H1-2: variants seen among roughly 807,000 people sequenced by gnomAD.
H1-2 encodes H1.2 linker histone, cluster member, also known as histone H1.2.
A neutral mutation model predicts 7.2 loss-of-function variants in H1-2; 7 were observed. The observed-to-expected ratio is 0.97, with a 90% confidence interval of 0.55 to 1.82. The LOEUF is 1.82. H1-2 is among the 40% of genes most tolerant of loss of function. H1-2 has a pLI of 0.00. For synonymous variants in H1-2, 300 were observed against 118.2 expected (o/e 2.54, Z -9.98); for missense variants, 703 against 276.6 (o/e 2.54, Z -10.94).
Position 26,055,964 on chromosome 6 carries a change from C to T in H1-2, c.465G>A (p.Pro155=), listed in dbSNP as rs746576288. The change falls in exon 1 of 1, where the codon CCG becomes CCA. Residue 155 remains proline (P), a synonymous_variant. Transcript: ENST00000343677. ...CCGCGGCCGGCTTCTTCGCTTTCTTCGGTGTTTTCTTAGCGCTCTTCTTCG... is the reference window on the plus strand; with the variant it reads ...CCGCGGCCGGCTTCTTCGCTTTCTTTGGTGTTTTCTTAGCGCTCTTCTTCG... ...ATPKKSAKKT[P]KKAKKPAAAT... The T allele has an allele frequency of 1.2e-6, 2 of 1,613,888 alleles. No individual in the cohort carries two copies. Among genetic ancestry groups the T allele is most frequent in the African/African-American group, 1.3e-5 (1 of 74,872 alleles).
chr6:26,055,985 C>A lies in H1-2; in HGVS notation c.444G>T (p.Lys148Asn), dbSNP rs568647778. 6.2e-7 allele frequency: 1 copy of A among 1,613,936 alleles called. No homozygotes were observed. The highest frequency in any genetic ancestry group is 1.3e-5 in the African/African-American group (1 of 74,902). ...PKKAAGGATP[K>N]KSAKKTPKKA... ...TCTTCGGTGTTTTCTTAGCGCTCTT[C>A]TTCGGAGTTGCGCCGCCAGCCGCCT... Residue 148 changes from lysine to asparagine, a missense_variant, in exon 1 of 1, where the codon AAG becomes AAT. Transcript: ENST00000343677.
In H1-2 at chr6:26,056,222, G is replaced by A. The variant is rs753961770; in HGVS notation, c.207C>T (p.Ala69=). 3.1e-6 allele frequency: 5 copies of A among 1,614,218 alleles called. No homozygotes were observed. In the Admixed American group the frequency reaches 6.7e-5, roughly 22 times the overall value. ...LAALKKALAA[A]GYDVEKNNSR... is the part of the protein sequence containing the mutation. ...TGTTGTTTTTCTCCACATCATAGCCGGCGGCAGCCAACGCTTTTTTCAGAG... is the reference window on the plus strand; with the variant it reads ...TGTTGTTTTTCTCCACATCATAGCCAGCGGCAGCCAACGCTTTTTTCAGAG... Residue 69 remains alanine (A), a synonymous_variant, in exon 1 of 1, where the codon GCC becomes GCT. Coordinates refer to ENST00000343677, the MANE Select transcript of H1-2 (RefSeq NM_005319.4).
chr6:26,055,752 A>G lies in H1-2; in HGVS notation c.*35T>C, dbSNP rs766514983. 3.4e-5 allele frequency: 53 copies of G among 1,553,486 alleles called. No individual in the cohort carries two copies. Among genetic ancestry groups the G allele is most frequent in the East Asian group, 4.5e-5 (2 of 44,684 alleles). ...TTATTGAGATCAGTGGTGGCTCTGAAAAGAGCCTTTTGGGTTTTAGAAGTA... is the reference window on the plus strand; with the variant it reads ...TTATTGAGATCAGTGGTGGCTCTGAGAAGAGCCTTTTGGGTTTTAGAAGTA... On this transcript the variant is annotated 3_prime_UTR_variant, in exon 1 of 1. Transcript: ENST00000343677.
Position 26,056,334 on chromosome 6 carries a change from G to C in H1-2, c.95C>G (p.Pro32Arg). 1 of 1,614,036 alleles carries C rather than the reference G, an allele frequency of 6.2e-7. No individual in the cohort carries two copies. The highest frequency in any genetic ancestry group is 2.2e-5 in the East Asian group (1 of 44,862). ...KKAAKKAGGT[P>R]RKASGPPVSE... is the part of the protein sequence containing the mutation. ...CACCGGGGGACCAGACGCCTTACGA[G>C]GCGTACCCCCAGCCTTTTTGGCCGC... The change falls in exon 1 of 1, where the codon CCT becomes CGT. Residue 32 changes from proline (P) to arginine (R), a missense_variant. Physicochemically the swap from Pro to Arg is moderately radical, Grantham distance 103 (BLOSUM62 -2). Coordinates refer to ENST00000343677, the MANE Select transcript of H1-2 (RefSeq NM_005319.4).
rs1761930258 is a variant in H1-2 at position 26,056,379 on chromosome 6, T to G, written c.50A>C (p.Lys17Thr). The change falls in exon 1 of 1, where the codon AAG (lysine) becomes ACG (threonine). Residue 17 changes from lysine (K) to threonine (T), a missense_variant. Transcript: ENST00000343677. Reference protein sequence around the residue: ...AAPAAAPPAEKAPVKKKAAKK... With the variant: ...AAPAAAPPAETAPVKKKAAKK... ...GGCCGCCTTCTTCTTTACAGGGGCC[T>G]TCTCCGCAGGAGGCGCGGCAGCGGG... The G allele has an allele frequency of 6.2e-7, 1 of 1,607,576 alleles. No homozygotes were observed.
At position 26,056,175 on chromosome 6, in the gene H1-2, T is replaced by G. The variant is rs1221938524; in HGVS notation, c.254A>C (p.Lys85Thr). The G allele has an allele frequency of 6.2e-7, 1 of 1,614,232 alleles. No individual in the cohort carries two copies. Among genetic ancestry groups the G allele is most frequent in the Non-Finnish European group, 8.5e-7 (1 of 1,180,024 alleles). Residue 85 changes from lysine to threonine, a missense_variant, in exon 1 of 1, where the codon AAG (lysine) becomes ACG (threonine). Lys to Thr is a moderately conservative substitution (Grantham distance 78). Coordinates refer to ENST00000343677, the MANE Select transcript of H1-2 (RefSeq NM_005319.4). The part of the protein sequence containing the change: ...KNNSRIKLGL[K>T]SLVSKGTLVQ... ...CAGAGTGCCCTTGCTCACCAGGCTC[T>G]TGAGACCAAGTTTGATACGGCTGTT...
chr6:26,056,110 G>T lies in H1-2; in HGVS notation c.319C>A (p.Leu107Ile), dbSNP rs777559018. Reference protein sequence around the residue: ...KGTGASGSFKLNKKAASGEAK... With the variant: ...KGTGASGSFKINKKAASGEAK... ...TCCCCGGAGGCTGCCTTCTTGTTGA[G>T]TTTAAAGGAGCCAGAAGCACCGGTG... Residue 107 changes from leucine to isoleucine, a missense_variant, in exon 1 of 1, where the codon CTC becomes ATC. By Grantham distance (5) the Leu-to-Ile change is conservative (BLOSUM62 2). Transcript: ENST00000343677. 1 of 1,614,222 alleles carries T rather than the reference G, an allele frequency of 6.2e-7. No individual in the cohort carries two copies. The highest frequency in any genetic ancestry group is 1.7e-5 in the Admixed American group (1 of 60,032).
Position 26,056,332 on chromosome 6 carries a change from G to A in H1-2, c.97C>T (p.Arg33Cys), listed in dbSNP as rs766992808. 1.5e-5 allele frequency: 25 copies of A among 1,613,930 alleles called. No homozygotes were observed. Among genetic ancestry groups the A allele is most frequent in the African/African-American group, 6.7e-5 (5 of 74,948 alleles). ...KAAKKAGGTP[R>C]KASGPPVSEL... is the part of the protein sequence containing the mutation. ...GACACCGGGGGACCAGACGCCTTAC[G>A]AGGCGTACCCCCAGCCTTTTTGGCC... Residue 33 changes from arginine to cysteine, a missense_variant, in exon 1 of 1, where the codon CGT becomes TGT. Physicochemically the swap from Arg to Cys is radical, Grantham distance 180 (BLOSUM62 -3). Coordinates refer to ENST00000343677, the MANE Select transcript of H1-2 (RefSeq NM_005319.4).
rs779842031 is a variant in H1-2, at chr6:26,055,980, CTCT to C, written c.446_448del (p.Lys149del). 1.9e-5 allele frequency: 30 copies of C among 1,613,858 alleles called. No homozygotes were observed. The highest frequency in any genetic ancestry group is 9.3e-5 in the African/African-American group (7 of 74,876). On this transcript the variant is annotated inframe_deletion, in exon 1 of 1. Transcript: ENST00000343677. ...CGCTTTCTTCGGTGTTTTCTTAGCG[CTCT>C]TCTTCGGAGTTGCGCCGCCAGCCGC...
chr6:26,055,801 GCGC>G lies in H1-2; in HGVS notation c.625_627del (p.Ala209del), dbSNP rs1761901141. ...TAGGCGTTCGCCTATTTCTTCTTGGGCGCCGCCTTCTTAGGCTTGACAACCTTG... is the reference window on the plus strand; with the variant it reads ...TAGGCGTTCGCCTATTTCTTCTTGGGCGCCTTCTTAGGCTTGACAACCTTG... On this transcript the variant is annotated inframe_deletion, in exon 1 of 1. Coordinates refer to ENST00000343677, the MANE Select transcript of H1-2 (RefSeq NM_005319.4). 6.3e-7 allele frequency: 1 copy of G among 1,593,336 alleles called. No individual in the cohort carries two copies. Among genetic ancestry groups the G allele is most frequent in the Non-Finnish European group, 8.5e-7 (1 of 1,174,592 alleles).
Position 26,056,339 on chromosome 6 carries a change from A to G in H1-2, c.90T>C (p.Gly30=), listed in dbSNP as rs777897533. The change falls in exon 1 of 1, where the codon GGT becomes GGC. Residue 30 remains glycine (G), a synonymous_variant. Coordinates refer to ENST00000343677, the MANE Select transcript of H1-2 (RefSeq NM_005319.4). Reference sequence around the variant, plus strand: ...GGGGACCAGACGCCTTACGAGGCGTACCCCCAGCCTTTTTGGCCGCCTTCT... The same window carrying G: ...GGGGACCAGACGCCTTACGAGGCGTGCCCCCAGCCTTTTTGGCCGCCTTCT... ...VKKKAAKKAG[G]TPRKASGPPV... 19 of 1,613,568 alleles carry G rather than the reference A, an allele frequency of 1.2e-5. No individual in the cohort carries two copies. The highest frequency in any genetic ancestry group is 1.6e-5 in the Non-Finnish European group (19 of 1,179,800).
Position 26,056,181 on chromosome 6 carries a change from C to G in H1-2, c.248G>C (p.Gly83Ala), listed in dbSNP as rs1212722101. ...GCCCTTGCTCACCAGGCTCTTGAGA[C>G]CAAGTTTGATACGGCTGTTGTTTTT... ...VEKNNSRIKL[G>A]LKSLVSKGTL... Residue 83 changes from glycine to alanine, a missense_variant, in exon 1 of 1, where the codon GGT (glycine) becomes GCT (alanine). Physicochemically the swap from Gly to Ala is moderately conservative, Grantham distance 60 (BLOSUM62 0). Coordinates refer to ENST00000343677, the MANE Select transcript of H1-2 (RefSeq NM_005319.4). 3.7e-6 allele frequency: 6 copies of G among 1,614,228 alleles called. No individual in the cohort carries two copies. The South Asian group carries it at 5.5e-5, about 15-fold the overall frequency.
At position 26,056,420 on chromosome 6, in the gene H1-2, C is replaced by A. The variant is rs755438887; in HGVS notation, c.9G>T (p.Glu3Asp). The change falls in exon 1 of 1, where the codon GAG (glutamate) becomes GAT (aspartate). Residue 3 changes from glutamate to aspartate, a missense_variant. Glu to Asp is a conservative substitution (Grantham distance 45, BLOSUM62 2). Coordinates refer to ENST00000343677, the MANE Select transcript of H1-2 (RefSeq NM_005319.4). Reference protein sequence around the residue: MSETAPAAPAAAP... With the variant: MSDTAPAAPAAAP... ...CGGCAGCGGGAGCGGCAGGAGCAGT[C>A]TCGGACATGTTGAGAATCAAAAACT... 2 of 1,582,364 alleles carry A rather than the reference C, an allele frequency of 1.3e-6. No individual in the cohort carries two copies. Among genetic ancestry groups the A allele is most frequent in the Non-Finnish European group, 8.6e-7 (1 of 1,167,698 alleles).
rs375275562 is a variant in H1-2 at position 26,055,790 on chromosome 6, T to C, written c.639A>G (p.Lys213=). The change falls in exon 1 of 1, where the codon AAA becomes AAG. Residue 213 remains lysine, a synonymous_variant. Transcript: ENST00000343677. The stretch of plus-strand genomic sequence containing the variant: ...GGTTTTAGAAGTAGGCGTTCGCCTA[T>C]TTCTTCTTGGGCGCCGCCTTCTTAG... ...VKPKKAAPKK[K] The C allele has an allele frequency of 4.4e-6, 7 of 1,590,642 alleles. No individual in the cohort carries two copies. Among genetic ancestry groups the C allele is most frequent in the Non-Finnish European group, 6.0e-6 (7 of 1,173,772 alleles).
rs768421338 is a variant in H1-2, at chr6:26,055,940, C to T, written c.489G>A (p.Ala163=). ...KTPKKAKKPA[A]ATVTKKVAKS... ...TAGCCACTTTCTTGGTTACAGTGGC[C>T]GCGGCCGGCTTCTTCGCTTTCTTCG... is the stretch of plus-strand genomic sequence containing the variant. Residue 163 remains alanine, a synonymous_variant, in exon 1 of 1, where the codon GCG becomes GCA. Coordinates refer to ENST00000343677, the MANE Select transcript of H1-2 (RefSeq NM_005319.4). 2.5e-6 allele frequency: 4 copies of T among 1,614,006 alleles called. 1 individual carries two copies. The South Asian group carries it at 3.3e-5, about 13-fold the overall frequency.
Position 26,056,016 on chromosome 6 carries a change from G to A in H1-2, c.413C>T (p.Pro138Leu), listed in dbSNP as rs781319824. ...AGTTGCGCCGCCAGCCGCCTTCTTG[G>A]GCTTCTTGGCTGCCCCAACTGGCTT... Reference protein sequence around the residue: ...PKKPVGAAKKPKKAAGGATPK... With the variant: ...PKKPVGAAKKLKKAAGGATPK... Residue 138 changes from proline (P) to leucine (L), a missense_variant, in exon 1 of 1, where the codon CCC (proline) becomes CTC (leucine). By Grantham distance (98) the Pro-to-Leu change is moderately conservative. Transcript: ENST00000343677. 4.5e-5 allele frequency: 72 copies of A among 1,613,498 alleles called. 1 individual carries two copies. The highest frequency in any genetic ancestry group is 6.1e-5 in the Non-Finnish European group (72 of 1,179,682).
At position 26,055,966 on chromosome 6, in the gene H1-2, G is replaced by A. The variant is rs1277325895; in HGVS notation, c.463C>T (p.Pro155Ser). 7 of 1,613,904 alleles carry A rather than the reference G, an allele frequency of 4.3e-6. No homozygotes were observed. Among genetic ancestry groups the A allele is most frequent in the Non-Finnish European group, 8.5e-7 (1 of 1,180,032 alleles). The change falls in exon 1 of 1, where the codon CCG becomes TCG. Residue 155 changes from proline (P) to serine (S), a missense_variant. Coordinates refer to ENST00000343677, the MANE Select transcript of H1-2 (RefSeq NM_005319.4). ...GCGGCCGGCTTCTTCGCTTTCTTCG[G>A]TGTTTTCTTAGCGCTCTTCTTCGGA... ...ATPKKSAKKT[P>S]KKAKKPAAAT...
chr6:26,056,320 C>T lies in H1-2; in HGVS notation c.109G>A (p.Gly37Ser), dbSNP rs768964774. The change falls in exon 1 of 1, where the codon GGT becomes AGT. Residue 37 changes from glycine to serine, a missense_variant. By Grantham distance (56) the Gly-to-Ser change is moderately conservative. Coordinates refer to ENST00000343677, the MANE Select transcript of H1-2 (RefSeq NM_005319.4). ...KAGGTPRKASGPPVSELITKA... is the reference protein window; with the variant it reads ...KAGGTPRKASSPPVSELITKA... The stretch of plus-strand genomic sequence containing the variant: ...GTGATGAGCTCTGACACCGGGGGAC[C>T]AGACGCCTTACGAGGCGTACCCCCA... The T allele has an allele frequency of 2.5e-5, 41 of 1,613,966 alleles. No homozygotes were observed. The highest frequency in any genetic ancestry group is 8.9e-5 in the East Asian group (4 of 44,880).
In H1-2 at chr6:26,056,064, T is replaced by A. The variant is rs2113701516; in HGVS notation, c.365A>T (p.Lys122Met). The A allele has an allele frequency of 6.2e-7, 1 of 1,614,172 alleles. No individual in the cohort carries two copies. The highest frequency in any genetic ancestry group is 8.5e-7 in the Non-Finnish European group (1 of 1,180,032). ...CTTCTTAGGTTTGGTTCCGCCCGCC[T>A]TTTTAACCTTGGGCTTGGCTTCCCC... is the stretch of plus-strand genomic sequence containing the variant. ...ASGEAKPKVKKAGGTKPKKPV... is the reference protein window; with the variant it reads ...ASGEAKPKVKMAGGTKPKKPV... Residue 122 changes from lysine (K) to methionine (M), a missense_variant, in exon 1 of 1, where the codon AAG becomes ATG. Physicochemically the swap from Lys to Met is moderately conservative, Grantham distance 95. Coordinates refer to ENST00000343677, the MANE Select transcript of H1-2 (RefSeq NM_005319.4).
Sources: gnomAD v4.1 joint callset for allele counts on GRCh38, gnomAD v4.1.1 for gene constraint, MANE v1.5 for transcripts, NCBI Gene and HGNC (gene_info 2026-07-23, HGNC 2026-07-21) for gene names.